Variants in IQCM observed in about 807,000 individuals in gnomAD.
IQCM encodes IQ domain-containing protein M.
IQCM carries 45 observed loss-of-function variants against 57.6 expected under a neutral mutation model. The ratio of observed to expected loss-of-function variants is 0.78; its 90% CI spans 0.62 to 1.00. The LOEUF is 1.00. Among genes scored for constraint, IQCM ranks in the 50% least tolerant of loss-of-function variants. IQCM has a pLI of 0.00. For missense variants in IQCM, 468 were observed against 511.6 expected, an observed-to-expected ratio of 0.91 and a Z score of 0.82; for synonymous variants, 148 against 158.9, an observed-to-expected ratio of 0.93 and a Z score of 0.51.
chr4:149,436,257 C>T (rs893634966), intron 12 of IQCM, among the ~76,000 whole-genome samples: 9 of 152,010 alleles, frequency 5.9e-5, no homozygotes, highest in East Asian at 1.9e-4. Context: ...AATTATTTAC[C>T]TATATTTTTC....
intron 12 of IQCM, among the ~76,000 whole-genome samples, chr4:149,535,715 T>C (rs752030690): frequency 7.2e-5 from 11 of 151,998 alleles, no homozygotes; most frequent in Admixed American, 6.6e-5. Context: ...TACATAACAA[T>C]GGCACAAATA....
intron 7 of IQCM, among the ~76,000 whole-genome samples, chr4:149,648,036 T>C (rs1758800943): frequency 6.6e-6 from 1 of 152,230 alleles, no homozygotes; most frequent in Admixed American, 6.5e-5. Context: ...TCATTGACAA[T>C]ATATTTTTTC....
At chr4:149,446,532 A>T (rs1736528478) in intron 12 of IQCM, among the ~76,000 whole-genome samples, 1 of 151,692 alleles carries the variant, frequency 6.6e-6, no homozygotes, top group African/African-American at 2.4e-5. Flanking sequence ...AAACTTGAGA[A>T]ATTATTACAG....
chr4:149,783,289 C>T (rs1242894015), intron 2 of IQCM, among the ~76,000 whole-genome samples: 2 of 152,192 alleles, frequency 1.3e-5, no homozygotes, highest in Admixed American at 6.5e-5. Context: ...TAAAAACTTG[C>T]ACATAATTCT....
At chr4:149,514,551 TAAACATTTA>T (rs1744746949) in intron 12 of IQCM, 1 of 152,248 alleles carries the variant, frequency 6.6e-6, no homozygotes, top group Non-Finnish European at 1.5e-5. Flanking sequence ...ATATCAATGA[TAAACATTTA>T]GTTAGCTCAT....
intron 8 of IQCM, among the ~76,000 whole-genome samples, chr4:149,600,775 C>T (rs1156931748): frequency 1.3e-5 from 2 of 152,116 alleles, no homozygotes; most frequent in Non-Finnish European, 2.9e-5. Context: ...GGATCTGATT[C>T]CTAGAGACTC....
chr4:149,680,688 A>G (rs1319133280), intron 7 of IQCM, among the ~76,000 whole-genome samples: 1 of 151,456 alleles, frequency 6.6e-6, no homozygotes, highest in African/African-American at 2.4e-5. Context: ...TTCACAATTC[A>G]GCAGAACATT....
chr4:149,464,985 T>G (rs1424404051), intron 12 of IQCM, among the ~76,000 whole-genome samples: 1 of 152,150 alleles, frequency 6.6e-6, no homozygotes, highest in Non-Finnish European at 1.5e-5. Context: ...TACATAGACC[T>G]GCAAAGAGAA....
intron 8 of IQCM, among the ~76,000 whole-genome samples, chr4:149,591,610 AC>A (rs936650264): frequency 8.0e-5 from 12 of 150,760 alleles, no homozygotes; most frequent in Non-Finnish European, 1.6e-4. Flanking sequence ...CTCTCCTCCC[AC>A]CCCACGACAG....
At chr4:149,646,104 GTC>G (rs1250541607) in intron 7 of IQCM, among the ~76,000 whole-genome samples, 4 of 152,168 alleles carry the variant, frequency 2.6e-5, no homozygotes, top group Admixed American at 6.5e-5. Flanking sequence ...GGGAGAAGGG[GTC>G]TAAGTTTTCC....
chr4:149,546,256 T>C (rs544083009), intron 12 of IQCM, among the ~76,000 whole-genome samples: 1 of 152,226 alleles, frequency 6.6e-6, no homozygotes, highest in African/African-American at 2.4e-5. Context: ...TTTGCTATTG[T>C]GAATAGTGCC....
At chr4:149,694,293 C>G (rs947635850) in intron 5 of IQCM, among the ~76,000 whole-genome samples, 2 of 136,224 alleles carry the variant, frequency 1.5e-5, no homozygotes, top group Non-Finnish European at 3.1e-5. Context: ...GGCGGGATCT[C>G]GGCTCACTGC....
At chr4:149,356,676 C>T (rs1201759855) in intron 13 of IQCM, among the ~76,000 whole-genome samples, 3 of 152,096 alleles carry the variant, frequency 2.0e-5, no homozygotes, top group African/African-American at 7.2e-5. Context: ...AGTCAGGTAG[C>T]ATGATGCCTC....
intron 7 of IQCM, among the ~76,000 whole-genome samples, chr4:149,643,266 G>A (rs1256374572): frequency 6.6e-6 from 1 of 152,130 alleles, no homozygotes; most frequent in Non-Finnish European, 1.5e-5. Context: ...TTTGTGTCAG[G>A]CATGTACCAA....
At chr4:149,571,122 A>G (rs1751115312) in intron 9 of IQCM, among the ~76,000 whole-genome samples, 1 of 152,120 alleles carries the variant, frequency 6.6e-6, no homozygotes. Flanking sequence ...ATACCATTTA[A>G]TCCAGCTATC....
intron 7 of IQCM, among the ~76,000 whole-genome samples, chr4:149,639,055 C>T (rs1027609187): frequency 5.9e-5 from 9 of 152,298 alleles, no homozygotes; most frequent in African/African-American, 1.4e-4. Context: ...TCTAACGTGA[C>T]GTCTACTTGC....
At chr4:149,400,311 G>A (rs1440824198) in intron 13 of IQCM, among the ~76,000 whole-genome samples, 2 of 151,682 alleles carry the variant, frequency 1.3e-5, no homozygotes, top group East Asian at 1.9e-4. Context: ...ATCTTAAGGC[G>A]AGAAGCTTAA....
chr4:149,777,479 A>G (rs999411746), intron 2 of IQCM, among the ~76,000 whole-genome samples: 5 of 152,164 alleles, frequency 3.3e-5, no homozygotes, highest in Non-Finnish European at 1.5e-5. Context: ...CTGAGAAACA[A>G]GTTTATTTAT....
At chr4:149,590,247 C>CTTTTTTTTT (rs71596214) in intron 8 of IQCM, among the ~76,000 whole-genome samples, 1 of 73,632 alleles carries the variant, frequency 1.4e-5, no homozygotes, top group Non-Finnish European at 2.6e-5. Context: ...TTTTTCTTTC[C>CTTTTTTTTT]TTTTTTTTTT....
Sources: gnomAD v4.1 joint callset for allele counts (sites outside exome capture counted in the v4.1 genomes callset) on GRCh38, gnomAD v4.1.1 for gene constraint, MANE v1.5 for transcripts, NCBI Gene and HGNC (gene_info 2026-07-23, HGNC 2026-07-21) for gene names.